The following KLHL29 variants were observed in gnomAD, a reference collection of about 807,000 sequenced individuals.
KLHL29 encodes kelch like family member 29, also known as kelch-like protein 29.
In KLHL29, 21 loss-of-function variants were observed where a neutral mutation model predicts 80.4. The observed-to-expected ratio is 0.26, with a 90% confidence interval of 0.19 to 0.38. KLHL29 has a LOEUF of 0.38. Among genes scored for constraint, KLHL29 ranks in the 10% least tolerant of loss-of-function variants. The probability of loss-of-function intolerance (pLI) is 1.00; values close to 1 mark genes in which losing one functional copy is unlikely to be tolerated. For synonymous variants in KLHL29, 511 were observed against 526.8 expected (o/e 0.97, Z 0.41); for missense variants, 867 against 1,223.9 (o/e 0.71, Z 4.35).
intron 1 of KLHL29, among the ~76,000 whole-genome samples, chr2:23,428,163 A>T (rs1289317766): frequency 6.6e-6 from 1 of 152,216 alleles, no homozygotes; most frequent in Non-Finnish European, 1.5e-5. Context: ...CCATCCAGAG[A>T]GAACAGAGTT....
intron 1 of KLHL29, among the ~76,000 whole-genome samples, chr2:23,403,373 A>G (rs559330182): frequency 1.3e-3 from 196 of 152,340 alleles, no homozygotes; most frequent in African/African-American, 4.5e-3. Flanking sequence ...ATGGTTTTGT[A>G]TAATCCCATA....
At chr2:23,616,194 A>C (rs143657067) in intron 3 of KLHL29, among the ~76,000 whole-genome samples, 53 of 152,218 alleles carry the variant, frequency 3.5e-4, no homozygotes, top group Non-Finnish European at 5.3e-4. Flanking sequence ...CCCACACTCC[A>C]AGTCTGCCTC....
chr2:23,595,049 G>A (rs186305706), intron 3 of KLHL29, among the ~76,000 whole-genome samples: 2 of 152,186 alleles, frequency 1.3e-5, no homozygotes, highest in East Asian at 1.9e-4. Flanking sequence ...TAAAGTCATC[G>A]TTTACCACAA....
intron 1 of KLHL29, among the ~76,000 whole-genome samples, chr2:23,426,011 C>T (rs1273882542): frequency 6.6e-6 from 1 of 152,090 alleles, no homozygotes; most frequent in African/African-American, 2.4e-5. Flanking sequence ...AGGGTGTGTG[C>T]CATTTCAAAG....
chr2:23,461,736 C>T (rs1014179973), intron 1 of KLHL29, among the ~76,000 whole-genome samples: 14 of 150,590 alleles, frequency 9.3e-5, no homozygotes, highest in Admixed American at 4.0e-4. Context: ...GGCAGGGGGG[C>T]GGGAAATAGA....
At chr2:23,460,470 G>C (rs905221629) in intron 1 of KLHL29, among the ~76,000 whole-genome samples, 4 of 152,146 alleles carry the variant, frequency 2.6e-5, no homozygotes, top group Non-Finnish European at 5.9e-5. Flanking sequence ...TAGAAATGCT[G>C]CTAAGCATCT....
intron 3 of KLHL29, among the ~76,000 whole-genome samples, chr2:23,607,131 G>A (rs1480490442): frequency 6.6e-6 from 1 of 152,184 alleles, no homozygotes; most frequent in Non-Finnish European, 1.5e-5. Context: ...TGGGGGTTAG[G>A]TTTTGACATG....
chr2:23,673,347 TAC>T (rs1186716262), intron 5 of KLHL29, among the ~76,000 whole-genome samples: 1 of 150,300 alleles, frequency 6.7e-6, no homozygotes, highest in Non-Finnish European at 1.5e-5. Flanking sequence ...CACACTTGCA[TAC>T]ACACAGACAC....
intron 5 of KLHL29, among the ~76,000 whole-genome samples, chr2:23,673,570 CACAT>C (rs1181820134): frequency 1.3e-5 from 2 of 151,932 alleles, no homozygotes; most frequent in African/African-American, 4.8e-5. Context: ...CATGCTCACA[CACAT>C]ACATGGGCAC....
chr2:23,574,549 G>A (rs1199513608), intron 3 of KLHL29, among the ~76,000 whole-genome samples: 1 of 152,192 alleles, frequency 6.6e-6, no homozygotes, highest in South Asian at 2.1e-4. Context: ...GGCGTGGAGG[G>A]AAGGGACAGG....
chr2:23,558,905 T>C (rs1667368822), intron 2 of KLHL29, among the ~76,000 whole-genome samples: 2 of 152,268 alleles, frequency 1.3e-5, no homozygotes, highest in Admixed American at 6.5e-5. Flanking sequence ...TGCCAGGCAC[T>C]GTTCAAGTTG....
intron 1 of KLHL29, among the ~76,000 whole-genome samples, chr2:23,412,124 G>GC (rs753232455): frequency 1.1e-3 from 16 of 14,554 alleles, no homozygotes; most frequent in South Asian, 5.8e-3. Flanking sequence ...GTGCGTGAAG[G>GC]GGGGGGGGGG....
intron 1 of KLHL29, among the ~76,000 whole-genome samples, chr2:23,469,654 C>T (rs1005605221): frequency 2.8e-4 from 42 of 152,194 alleles, no homozygotes; most frequent in African/African-American, 1.0e-3. Flanking sequence ...ATGGTGTGAA[C>T]ATCTTCCAGA....
chr2:23,586,067 A>G (rs1446144568), intron 3 of KLHL29, among the ~76,000 whole-genome samples: 1 of 152,176 alleles, frequency 6.6e-6, no homozygotes, highest in Non-Finnish European at 1.5e-5. Flanking sequence ...GGGAGGCTTA[A>G]CTATCTAGGG....
rs115514878 is a variant in KLHL29, at chr2:23,498,992, G to A, written c.-46+23325G>A. ...GCTGAACGCTTACAGATGTCCCTGC[G>A]ACCGATCACGTTTCCTTTCGTGGCC... is the stretch of plus-strand genomic sequence containing the variant. On this transcript the variant is annotated intron_variant, in intron 2 of 13. Coordinates refer to ENST00000486442, the MANE Select transcript of KLHL29 (RefSeq NM_052920.2). Among the ~76,000 whole-genome samples, 910 of 152,246 alleles carry A rather than the reference G, an allele frequency of 6.0e-3. 6 individuals are homozygous for A. Among genetic ancestry groups the A allele is most frequent in the African/African-American group, 0.018 (745 of 41,532 alleles).
chr2:23,481,396 A>G (rs1421613505), intron 2 of KLHL29, among the ~76,000 whole-genome samples: 1 of 152,198 alleles, frequency 6.6e-6, no homozygotes, highest in African/African-American at 2.4e-5. Context: ...GTCCCCTGCA[A>G]TCCTTTCTGG....
chr2:23,591,334 T>C (rs1035207146), intron 3 of KLHL29, among the ~76,000 whole-genome samples: 16 of 152,176 alleles, frequency 1.1e-4, no homozygotes, highest in Non-Finnish European at 1.5e-5. Flanking sequence ...CGCAGGCTCC[T>C]GTGTCCTGTC....
At chr2:23,555,681 C>T (rs1466276372) in intron 2 of KLHL29, among the ~76,000 whole-genome samples, 2 of 152,208 alleles carry the variant, frequency 1.3e-5, no homozygotes, top group East Asian at 1.9e-4. Context: ...GGTGAGCCCA[C>T]GCCTCATCCC....
At chr2:23,586,921 A>G (rs1444393090) in intron 3 of KLHL29, among the ~76,000 whole-genome samples, 7 of 152,148 alleles carry the variant, frequency 4.6e-5, no homozygotes, top group Non-Finnish European at 1.0e-4. Flanking sequence ...AGTATCTCGC[A>G]AGCCTCAGCG....
Sources: gnomAD v4.1 joint callset for allele counts (sites outside exome capture counted in the v4.1 genomes callset) on GRCh38, gnomAD v4.1.1 for gene constraint, MANE v1.5 for transcripts, NCBI Gene and HGNC (gene_info 2026-07-23, HGNC 2026-07-21) for gene names.